APCDD1: variants seen among roughly 807,000 people sequenced by gnomAD.
APCDD1 encodes protein APCDD1.
In APCDD1, 15 loss-of-function variants were observed where a neutral mutation model predicts 38.1. That is an observed-to-expected ratio of 0.39 (90% CI 0.26 to 0.61). The LOEUF (loss-of-function observed/expected upper bound fraction) is 0.61, where lower values mean the gene tolerates loss of function less well. APCDD1 is among the 20% of genes least tolerant of loss of function. The pLI, the probability that APCDD1 is intolerant of heterozygous loss-of-function variation, is 0.49. For missense variants in APCDD1, 647 were observed against 696.2 expected, an observed-to-expected ratio of 0.93 and a Z score of 0.79; for synonymous variants, 261 against 279.7, an observed-to-expected ratio of 0.93 and a Z score of 0.67.
chr18:10,479,019 C>T (rs552911884), intron 3 of APCDD1, among the ~76,000 whole-genome samples: 3 of 152,286 alleles, frequency 2.0e-5, no homozygotes, highest in South Asian at 4.1e-4. Flanking sequence ...GAACCCTGTG[C>T]AACTCTCTCC....
Position 10,471,735 on chromosome 18 carries a change from G to C in APCDD1, c.448G>C (p.Val150Leu), listed in dbSNP as rs3748415. The change falls in exon 3 of 5, where the codon GTC (valine) becomes CTC (leucine). Residue 150 changes from valine (V) to leucine (L), a missense_variant. Val to Leu is a conservative substitution (Grantham distance 32). Transcript: ENST00000355285. The surrounding 1 kb of genome is among the most constrained non-coding windows in gnomAD (Gnocchi z 5.5). The part of the protein sequence containing the change: ...GTEADYQLHN[V>L]QVICHTEAVA... ...GGAAGCCGACTACCAGCTGCACAAC[G>C]TCCAGGTGATCTGCCACACAGAGGC... The C allele has an allele frequency of 6.2e-7, 1 of 1,613,876 alleles. No homozygotes were observed. Among genetic ancestry groups the C allele is most frequent in the Non-Finnish European group, 8.5e-7 (1 of 1,180,006 alleles).
At chr18:10,460,348 A>C (rs969921787) in intron 1 of APCDD1, among the ~76,000 whole-genome samples, 17 of 152,290 alleles carry the variant, frequency 1.1e-4, no homozygotes, top group African/African-American at 4.1e-4. Context: ...CAACGCGGCG[A>C]AACCCCGTCT....
At chr18:10,457,433 A>G (rs926602476) in intron 1 of APCDD1, among the ~76,000 whole-genome samples, 2 of 152,228 alleles carry the variant, frequency 1.3e-5, no homozygotes, top group African/African-American at 4.8e-5. Context: ...ATGGAGTGTG[A>G]TCATATATTT....
intron 3 of APCDD1, among the ~76,000 whole-genome samples, chr18:10,478,966 A>ACATGTCCAATG (rs1031473361): frequency 2.6e-5 from 4 of 152,178 alleles, no homozygotes; most frequent in Admixed American, 1.3e-4. Context: ...TTAATTCTTT[A>ACATGTCCAATG]CATGTCCAAT....
Position 10,454,774 on chromosome 18 carries a change from G to A in APCDD1, c.-208G>A. The A allele has an allele frequency of 1.0e-6, 1 of 980,504 alleles. No individual in the cohort carries two copies. The highest frequency in any genetic ancestry group is 1.2e-6 in the Non-Finnish European group (1 of 828,152). 60.7% of individuals were successfully genotyped at this position (980,504 alleles called of 1,614,324 possible). The stretch of plus-strand genomic sequence containing the variant: ...GAGGCCGGGACGCGGACCGGGCCGG[G>A]GCGCCCACAGCCGCCCGACGGCGCC... On this transcript the variant is annotated 5_prime_UTR_variant, in exon 1 of 5. Coordinates refer to ENST00000355285, the MANE Select transcript of APCDD1 (RefSeq NM_153000.5).
chr18:10,462,651 T>C (rs1391840018), intron 1 of APCDD1, among the ~76,000 whole-genome samples: 1 of 123,598 alleles, frequency 8.1e-6, no homozygotes, highest in Non-Finnish European at 1.7e-5. Flanking sequence ...CCCTCCTTCC[T>C]TCCTTCCTTC....
In APCDD1 at chr18:10,488,114, A is replaced by G; in HGVS notation, c.*76A>G. On this transcript the variant is annotated 3_prime_UTR_variant, in exon 5 of 5. Transcript: ENST00000355285. ...GATTTGCTTTACCAAAAGAAAAGAC[A>G]TTTATTCTTTTGATGCACTTGAATG... The G allele has an allele frequency of 6.4e-7, 1 of 1,551,308 alleles. No individual in the cohort carries two copies. The highest frequency in any genetic ancestry group is 1.1e-5 in the South Asian group (1 of 88,068).
At chr18:10,462,046 C>T (rs771360453) in intron 1 of APCDD1, among the ~76,000 whole-genome samples, 1 of 152,126 alleles carries the variant, frequency 6.6e-6, no homozygotes, top group African/African-American at 2.4e-5. Context: ...GAACCTGAAT[C>T]GTCAAAGAAA....
chr18:10,478,296 C>A (rs1167237169), intron 3 of APCDD1, among the ~76,000 whole-genome samples: 1 of 152,244 alleles, frequency 6.6e-6, no homozygotes, highest in African/African-American at 2.4e-5. Context: ...CACAGAGGTG[C>A]CTGCATCCTG....
chr18:10,462,432 TTGCTC>T (rs2030572399), intron 1 of APCDD1, among the ~76,000 whole-genome samples: 1 of 82,242 alleles, frequency 1.2e-5, no homozygotes, highest in Non-Finnish European at 2.5e-5. Context: ...CCTTTCCCCC[TTGCTC>T]CCTCTCTCCT....
chr18:10,474,613 G>A (rs986742007), intron 3 of APCDD1, among the ~76,000 whole-genome samples: 9 of 152,126 alleles, frequency 5.9e-5, no homozygotes, highest in South Asian at 2.1e-4. Context: ...GATCTCTTCT[G>A]CTCTTTTTAG....
Position 10,485,671 on chromosome 18 carries a change from C to G in APCDD1, c.984C>G (p.His328Gln), listed in dbSNP as rs1165437057. ...NNNTWEGHYY[H>Q]YSDPVCKHPT... ...ACACCTGGGAGGGCCACTACTACCA[C>G]TACTCAGACCCGGTGTGCAAGCACC... Residue 328 changes from histidine (H) to glutamine (Q), a missense_variant, in exon 4 of 5, where the codon CAC becomes CAG. Physicochemically the swap from His to Gln is conservative, Grantham distance 24 (BLOSUM62 0). Transcript: ENST00000355285. The surrounding 1 kb of genome is among the most constrained non-coding windows in gnomAD (Gnocchi z 5.8). The G allele has an allele frequency of 2.5e-6, 4 of 1,614,100 alleles. No homozygotes were observed. In the Admixed American group the frequency reaches 6.7e-5, roughly 27 times the overall value.
At chr18:10,457,975 C>T (rs571568649) in intron 1 of APCDD1, among the ~76,000 whole-genome samples, 14 of 152,270 alleles carry the variant, frequency 9.2e-5, no homozygotes, top group Admixed American at 7.2e-4. Context: ...AGTACTTAAT[C>T]CAAATAAAGC....
chr18:10,460,265 C>CAGGCCAAGGGCCTCCTTTGGG (rs1158102737), intron 1 of APCDD1, among the ~76,000 whole-genome samples: 5 of 152,198 alleles, frequency 3.3e-5, no homozygotes, highest in Non-Finnish European at 7.3e-5. Context: ...CCTGTAATCC[C>CAGGCCAAGGGCCTCCTTTGGG]AGGCCAAGGG....
In APCDD1 at chr18:10,487,763, A is replaced by T. The variant is rs1483066324; in HGVS notation, c.1270A>T (p.Ile424Phe). The T allele has an allele frequency of 1.2e-6, 2 of 1,614,110 alleles. No individual in the cohort carries two copies. Among genetic ancestry groups the T allele is most frequent in the Admixed American group, 1.7e-5 (1 of 60,024 alleles). The change falls in exon 5 of 5, where the codon ATC becomes TTC. Residue 424 changes from isoleucine (I) to phenylalanine (F), a missense_variant. Physicochemically the swap from Ile to Phe is conservative, Grantham distance 21 (BLOSUM62 0). Transcript: ENST00000355285. Reference protein sequence around the residue: ...GIKLPHTEYEIFKMEQDARGR... With the variant: ...GIKLPHTEYEFFKMEQDARGR... ...CAAACTACCTCACACGGAGTACGAG[A>T]TCTTCAAAATGGAACAGGATGCCCG...
chr18:10,483,850 G>A (rs2031191678), intron 3 of APCDD1, among the ~76,000 whole-genome samples: 1 of 152,250 alleles, frequency 6.6e-6, no homozygotes, highest in Non-Finnish European at 1.5e-5. Flanking sequence ...AGTGGTCAGC[G>A]TTCTGCTAGC....
chr18:10,487,439 C>A, intron 4 of APCDD1, 151 bp from the exon 5 acceptor site: 1 of 757,216 alleles, frequency 1.3e-6, no homozygotes, highest in Non-Finnish European at 2.3e-6. Context: ...GCTTTGATGA[C>A]TACTGCTGTC....
At chr18:10,455,137 C>G (rs1203947020) in intron 1 of APCDD1, 98 bp downstream of exon 1, 2 of 1,502,596 alleles carry the variant, frequency 1.3e-6, no homozygotes, top group Non-Finnish European at 1.8e-6. Flanking sequence ...GCGGCACGGC[C>G]TACACTGTCC....
chr18:10,485,586 G>A lies in APCDD1; in HGVS notation c.899G>A (p.Cys300Tyr). 6.2e-7 allele frequency: 1 copy of A among 1,614,078 alleles called. No homozygotes were observed. Among genetic ancestry groups the A allele is most frequent in the Non-Finnish European group, 8.5e-7 (1 of 1,180,026 alleles). Residue 300 changes from cysteine to tyrosine, a missense_variant, in exon 4 of 5, where the codon TGT becomes TAT. Coordinates refer to ENST00000355285, the MANE Select transcript of APCDD1 (RefSeq NM_153000.5). The surrounding 1 kb of genome is among the most constrained non-coding windows in gnomAD (Gnocchi z 5.8). ...GLHGEWVSQR[C>Y]EVRPEVLFLT... ...CACGGGGAGTGGGTGAGCCAGCGCT[G>A]TGAGGTGCGCCCCGAAGTCCTCTTC... is the stretch of plus-strand genomic sequence containing the variant.
Sources: allele counts gnomAD v4.1 joint callset (sites outside exome capture counted in the v4.1 genomes callset), GRCh38; gene constraint gnomAD v4.1.1; non-coding constraint Gnocchi (gnomAD v3.1); transcripts MANE v1.5; gene names NCBI Gene and HGNC (gene_info 2026-07-23, HGNC 2026-07-21).